The following LIMA1 variants were observed in gnomAD, a reference collection of about 807,000 sequenced individuals.
LIMA1 encodes the protein LIM domain and actin binding 1.
A neutral mutation model predicts 62.6 loss-of-function variants in LIMA1; 52 were observed. The observed-to-expected ratio is 0.83, with a 90% CI of 0.67 to 1.05. The LOEUF (loss-of-function observed/expected upper bound fraction) is 1.05. Among genes scored for constraint, LIMA1 ranks in the 50% least tolerant of loss-of-function variants. LIMA1 has a pLI of 0.00. For missense variants in LIMA1, 780 were observed against 902.2 expected (o/e 0.86, Z 1.74); for synonymous variants, 302 against 317.8 (o/e 0.95, Z 0.53).
At chr12:50,262,555 C>T (rs1448368048) in intron 1 of LIMA1, among the ~76,000 whole-genome samples, 3 of 151,854 alleles carry the variant, frequency 2.0e-5, no homozygotes, top group African/African-American at 7.3e-5. Context: ...GACAGGACCG[C>T]TTAAGGTCAG....
At chr12:50,277,071 G>A (rs1353753477) in intron 1 of LIMA1, among the ~76,000 whole-genome samples, 1 of 152,060 alleles carries the variant, frequency 6.6e-6, no homozygotes, top group Non-Finnish European at 1.5e-5. Flanking sequence ...ACACCCTCTA[G>A]TCACAAAATG....
In LIMA1 at chr12:50,209,106, G is replaced by A. The variant is rs1450261832; in HGVS notation, c.631-3038C>T. 5.3e-5 allele frequency among the ~76,000 whole-genome samples: 8 copies of A among 150,664 alleles called. No individual in the cohort carries two copies. In the East Asian group the frequency reaches 1.6e-3, roughly 29 times the overall value. On this transcript the variant is annotated intron_variant, in intron 4 of 10. Coordinates refer to ENST00000341247, the MANE Select transcript of LIMA1 (RefSeq NM_016357.5). Reference sequence around the variant, plus strand: ...CCAAGGTGCTGGGATTACAGGTGTGGGCCACTGCATCCGGCCTGATTGGGT... The same window carrying A: ...CCAAGGTGCTGGGATTACAGGTGTGAGCCACTGCATCCGGCCTGATTGGGT...
chr12:50,177,295 A>C lies in LIMA1; in HGVS notation c.2049T>G (p.Gly683=). 6.2e-7 allele frequency: 1 copy of C among 1,614,160 alleles called. No individual in the cohort carries two copies. The highest frequency in any genetic ancestry group is 8.5e-7 in the Non-Finnish European group (1 of 1,180,002). ...TGTTATCATCTTCATCGGAGTCTGC[A>C]CCATTTTCTACAAGATTCTCATTCT... ...EMENENLVEN[G]ADSDEDDNSF... Residue 683 remains glycine (G), a synonymous_variant, in exon 11 of 11, where the codon GGT becomes GGG. Coordinates refer to ENST00000341247, the MANE Select transcript of LIMA1 (RefSeq NM_016357.5).
intron 1 of LIMA1, among the ~76,000 whole-genome samples, chr12:50,281,625 C>G (rs1368771701): frequency 6.6e-6 from 1 of 152,166 alleles, no homozygotes; most frequent in Non-Finnish European, 1.5e-5. Context: ...CAATACAGAA[C>G]AGTGGAAACA....
intron 5 of LIMA1, among the ~76,000 whole-genome samples, chr12:50,205,781 T>C (rs1941139836): frequency 7.6e-6 from 1 of 131,928 alleles, no homozygotes; most frequent in African/African-American, 3.0e-5. Context: ...TGGGAGCACG[T>C]CAACTTCCGT....
intron 1 of LIMA1, among the ~76,000 whole-genome samples, chr12:50,283,076 C>T (rs898416517): frequency 6.6e-6 from 1 of 151,744 alleles, no homozygotes; most frequent in African/African-American, 2.4e-5. Context: ...ACAGTATTTC[C>T]CTGGAAGGAG....
chr12:50,202,883 A>C (rs544884699), intron 6 of LIMA1, among the ~76,000 whole-genome samples: 1 of 152,330 alleles, frequency 6.6e-6, no homozygotes, highest in East Asian at 1.9e-4. Context: ...TCAAGAGATT[A>C]ATGGTTTGTA....
At chr12:50,183,875 T>C (rs901278220) in intron 9 of LIMA1, among the ~76,000 whole-genome samples, 2 of 149,706 alleles carry the variant, frequency 1.3e-5, no homozygotes, top group African/African-American at 4.9e-5. Flanking sequence ...GTTGGTTCAC[T>C]TGCCACATGA....
At chr12:50,279,599 T>A (rs1942314462) in intron 1 of LIMA1, among the ~76,000 whole-genome samples, 1 of 152,054 alleles carries the variant, frequency 6.6e-6, no homozygotes, top group African/African-American at 2.4e-5. Flanking sequence ...AGTTAATGGA[T>A]CATGGGAGTA....
intron 3 of LIMA1, among the ~76,000 whole-genome samples, chr12:50,227,594 T>C (rs1941550606): frequency 2.0e-5 from 3 of 152,252 alleles, no homozygotes; most frequent in African/African-American, 4.8e-5. Context: ...TCTTGGTGAA[T>C]GCGACAACCA....
At position 50,248,727 on chromosome 12, in the gene LIMA1, G is replaced by A. The variant is rs780877633; in HGVS notation, c.25C>T (p.Arg9Trp). The change falls in exon 2 of 11, where the codon CGG becomes TGG. Residue 9 changes from arginine to tryptophan, a missense_variant. Physicochemically the swap from Arg to Trp is moderately radical, Grantham distance 101. Transcript: ENST00000341247. ...CTCAATGATAGTGAGGTCCATTGCC[G>A]TCTATTAAATGGAGATGATTCCATC... is the stretch of plus-strand genomic sequence containing the variant. Reference protein sequence around the residue: MESSPFNRRQWTSLSLRVT... With the variant: MESSPFNRWQWTSLSLRVT... 1.2e-5 allele frequency: 20 copies of A among 1,608,478 alleles called. No homozygotes were observed. Among genetic ancestry groups the A allele is most frequent in the East Asian group, 4.5e-5 (2 of 44,858 alleles).
At chr12:50,267,975 A>G (rs1942159786) in intron 1 of LIMA1, among the ~76,000 whole-genome samples, 1 of 152,050 alleles carries the variant, frequency 6.6e-6, no homozygotes, top group Non-Finnish European at 1.5e-5. Context: ...TTTTAACGAC[A>G]TTTATAAATT....
rs140408584 is a variant in LIMA1 at position 50,214,101 on chromosome 12, T to C, written c.630+7920A>G. 1.7e-3 allele frequency among the ~76,000 whole-genome samples: 263 copies of C among 150,582 alleles called. 1 individual carries two copies. Among genetic ancestry groups the C allele is most frequent in the African/African-American group, 6.1e-3 (249 of 40,490 alleles). ...TAAATAAAAAATTTATGCTGATATG[T>C]AGTCTTTACAAGAAATGTACCACTA... On this transcript the variant is annotated intron_variant, in intron 4 of 10. Coordinates refer to ENST00000341247, the MANE Select transcript of LIMA1 (RefSeq NM_016357.5).
At chr12:50,223,260 G>A (rs1040308502) in intron 3 of LIMA1, among the ~76,000 whole-genome samples, 6 of 151,874 alleles carry the variant, frequency 4.0e-5, no homozygotes, top group Admixed American at 3.3e-4. Flanking sequence ...CGAGGCCGGC[G>A]GATCACAAGG....
At chr12:50,206,967 C>G (rs1941165082) in intron 4 of LIMA1, among the ~76,000 whole-genome samples, 1 of 152,040 alleles carries the variant, frequency 6.6e-6, no homozygotes. Flanking sequence ...CTCCGTCACC[C>G]AGGCTGGAGT....
At chr12:50,187,492 A>G (rs561285405) in intron 9 of LIMA1, 2 of 152,348 alleles carry the variant, frequency 1.3e-5, no homozygotes, top group Admixed American at 1.3e-4. Context: ...TTTTCTGTGA[A>G]ACTCTATGAA....
chr12:50,205,861 T>A, intron 5 of LIMA1, 123 bp downstream of exon 5: 1 of 467,598 alleles, frequency 2.1e-6, no homozygotes, highest in Non-Finnish European at 3.8e-6. Context: ...TTGCATCTAA[T>A]AGGCAGACTT....
intron 1 of LIMA1, among the ~76,000 whole-genome samples, chr12:50,277,030 G>T (rs936562367): frequency 6.6e-6 from 1 of 152,102 alleles, no homozygotes; most frequent in African/African-American, 2.4e-5. Context: ...TGAAGTAGAA[G>T]AAGTTGTTAA....
rs893131260 is a variant in LIMA1, at chr12:50,178,540, A to G, written c.1275-471T>C. ...AGAGCGAGACTGTCTTAAAAAAAAA[A>G]AAAAAGAAAAAAAAACCAACAGTAA... On this transcript the variant is annotated intron_variant, in intron 10 of 10. Coordinates refer to ENST00000341247, the MANE Select transcript of LIMA1 (RefSeq NM_016357.5). Among the ~76,000 whole-genome samples, 153 of 152,016 alleles carry G rather than the reference A, an allele frequency of 1.0e-3. 1 individual carries two copies. Among genetic ancestry groups the G allele is most frequent in the African/African-American group, 3.4e-3 (139 of 41,474 alleles).
Sources: gnomAD v4.1 joint callset for allele counts (sites outside exome capture counted in the v4.1 genomes callset) on GRCh38, gnomAD v4.1.1 for gene constraint, MANE v1.5 for transcripts, NCBI Gene and HGNC (gene_info 2026-07-23, HGNC 2026-07-21) for gene names.